Variants in WDR75 observed in about 807,000 individuals in gnomAD.
The protein encoded by WDR75 is WD repeat domain 75, also known as WD repeat-containing protein 75.
WDR75 carries 52 observed loss-of-function variants against 106.1 expected under a neutral mutation model. That is an observed-to-expected ratio of 0.49 (90% CI 0.39 to 0.62). The LOEUF is 0.62. Ranked by LOEUF, WDR75 falls within the 20% of genes least tolerant of loss-of-function variation. The pLI, the probability that WDR75 is intolerant of heterozygous loss-of-function variation, is 0.00. For synonymous variants in WDR75, 333 were observed against 335.5 expected (o/e 0.99, Z 0.08); for missense variants, 905 against 970.3 (o/e 0.93, Z 0.89).
At chr2:189,466,033 CAGGTGGGGCGT>C (rs1686992071) in intron 12 of WDR75, among the ~76,000 whole-genome samples, 1 of 152,132 alleles carries the variant, frequency 6.6e-6, no homozygotes, top group Admixed American at 6.5e-5. Context: ...TTCCTTGCCC[CAGGTGGGGCGT>C]TTCACGGCCT....
chr2:189,450,613 T>C, intron 2 of WDR75: 1 of 1,185,140 alleles, frequency 8.4e-7, no homozygotes, highest in Non-Finnish European at 1.0e-6. Context: ...CACTGCACCT[T>C]GGTGCTTTTC....
At chr2:189,446,048 C>T (rs1357949628) in intron 1 of WDR75, among the ~76,000 whole-genome samples, 1 of 152,164 alleles carries the variant, frequency 6.6e-6, no homozygotes, top group Admixed American at 6.5e-5. Context: ...CTACCCACCA[C>T]TGTCTCAAGG....
At chr2:189,449,600 A>G (rs1686573821) in intron 2 of WDR75, 2 of 1,039,750 alleles carry the variant, frequency 1.9e-6, no homozygotes, top group Non-Finnish European at 2.3e-6. Context: ...GAGTAAAATT[A>G]GAGAAGGGCA....
intron 4 of WDR75, 92 bp from the exon 5 acceptor site, chr2:189,455,228 A>C (rs112007236): frequency 0.034 from 48,633 of 1,437,884 alleles, 1,197 homozygotes; most frequent in African/African-American, 0.12. Flanking sequence ...GCGACAGAGC[A>C]AGACTTTGCC....
chr2:189,448,201 G>A (rs1338131470), intron 1 of WDR75, among the ~76,000 whole-genome samples, 178 bp from the exon 2 acceptor site: 1 of 152,152 alleles, frequency 6.6e-6, no homozygotes, highest in African/African-American at 2.4e-5. Flanking sequence ...GATATGTAAA[G>A]CACCTAGGTG....
chr2:189,469,482 C>G, intron 16 of WDR75, 43 bp downstream of exon 16: 2 of 1,482,302 alleles, frequency 1.3e-6, no homozygotes, highest in Non-Finnish European at 1.9e-6. Flanking sequence ...CATCTATGAC[C>G]TAAGTTTTCT....
At position 189,465,267 on chromosome 2, in the gene WDR75, G is replaced by T; in HGVS notation, c.1289+13G>T. The T allele has an allele frequency of 6.4e-7, 1 of 1,566,068 alleles. No individual in the cohort carries two copies. The highest frequency in any genetic ancestry group is 8.7e-7 in the Non-Finnish European group (1 of 1,154,880). ...AGAAAACACAAGGGTAATACTATCT[G>T]TGTAGCCACTTAATTTCAAAGTATA... On this transcript the variant is annotated intron_variant, in intron 12 of 20. Coordinates refer to ENST00000314761, the MANE Select transcript of WDR75 (RefSeq NM_032168.3).
chr2:189,445,363 G>C (rs556405045), intron 1 of WDR75, among the ~76,000 whole-genome samples: 35 of 152,326 alleles, frequency 2.3e-4, no homozygotes, highest in Non-Finnish European at 3.7e-4. Context: ...TACACAGACA[G>C]TCTTAATGCC....
rs1230727487 is a variant in WDR75, at chr2:189,475,272, A to G, written c.2348A>G (p.Asp783Gly). The G allele has an allele frequency of 6.2e-7, 1 of 1,613,248 alleles. No homozygotes were observed. The highest frequency in any genetic ancestry group is 8.5e-7 in the Non-Finnish European group (1 of 1,179,596). The change falls in exon 21 of 21, where the codon GAT becomes GGT. Residue 783 changes from aspartate to glycine, a missense_variant. Coordinates refer to ENST00000314761, the MANE Select transcript of WDR75 (RefSeq NM_032168.3). ...GAAGAAAAAGAAAGTGAAGATTCAG[A>G]TGAAGAAAATGATTTTACCGAAAAA... ...MEEEKESEDS[D>G]EENDFTEKVQ...
chr2:189,450,693 G>A, intron 2 of WDR75: 1 of 1,358,948 alleles, frequency 7.4e-7, no homozygotes, highest in Non-Finnish European at 9.4e-7. Flanking sequence ...CTCTCTTTTA[G>A]TTAAAACTTG....
chr2:189,451,734 C>A (rs1686625821), intron 3 of WDR75, 71 bp from the exon 4 acceptor site: 2 of 1,385,094 alleles, frequency 1.4e-6, no homozygotes, highest in South Asian at 2.4e-5. Flanking sequence ...ATAAAAACCC[C>A]TGCCTTGATG....
Position 189,466,551 on chromosome 2 carries a change from A to G in WDR75, c.1416A>G (p.Val472=), listed in dbSNP as rs1687004030. 2 of 1,613,106 alleles carry G rather than the reference A, an allele frequency of 1.2e-6. No individual in the cohort carries two copies. Among genetic ancestry groups the G allele is most frequent in the Non-Finnish European group, 1.7e-6 (2 of 1,179,300 alleles). ...CTAGCAAAGATGGTTACTTCAAAGT[A>G]TGGATATTAACAGATGACTCTGACA... ...VTASKDGYFK[V]WILTDDSDIY... The change falls in exon 13 of 21, where the codon GTA becomes GTG. Residue 472 remains valine (V), a synonymous_variant. Transcript: ENST00000314761.
intron 17 of WDR75, 74 bp from the exon 18 acceptor site, chr2:189,470,745 T>C (rs1246970625): frequency 2.6e-6 from 3 of 1,168,108 alleles, no homozygotes; most frequent in African/African-American, 3.2e-5. Flanking sequence ...TCTCATTTTT[T>C]AACACCCTGT....
chr2:189,441,551 G>C lies in WDR75; in HGVS notation c.59G>C (p.Arg20Thr). ...TGTGGCGGCAGCGAGTTGAACTTTA[G>C]GAGAGCTGTGTTCTCTGCAGATTCT... The part of the protein sequence containing the change: ...VRCGGSELNF[R>T]RAVFSADSKY... Residue 20 changes from arginine to threonine, a missense_variant, in exon 1 of 21, where the codon AGG becomes ACG. Physicochemically the swap from Arg to Thr is moderately conservative, Grantham distance 71 (BLOSUM62 -1). Coordinates refer to ENST00000314761, the MANE Select transcript of WDR75 (RefSeq NM_032168.3). 1 of 1,562,134 alleles carries C rather than the reference G, an allele frequency of 6.4e-7. No individual in the cohort carries two copies. Among genetic ancestry groups the C allele is most frequent in the Non-Finnish European group, 8.7e-7 (1 of 1,152,006 alleles).
At position 189,451,837 on chromosome 2, in the gene WDR75, C is replaced by T; in HGVS notation, c.315C>T (p.Leu105=). 1 of 1,613,780 alleles carries T rather than the reference C, an allele frequency of 6.2e-7. No homozygotes were observed. The highest frequency in any genetic ancestry group is 1.7e-5 in the Admixed American group (1 of 60,020). ...TAGTTGGATGTAAACTTCATGCCCTCTTTACTCTTGCCCAAGCTGAGGATT... is the reference window on the plus strand; with the variant it reads ...TAGTTGGATGTAAACTTCATGCCCTTTTTACTCTTGCCCAAGCTGAGGATT... ...TFIVGCKLHA[L]FTLAQAEDSV... is the part of the protein sequence containing the mutation. Residue 105 remains leucine, a synonymous_variant, in exon 4 of 21, where the codon CTC becomes CTT. Transcript: ENST00000314761.
intron 17 of WDR75, 67 bp from the exon 18 acceptor site, chr2:189,470,752 C>T (rs1483293873): frequency 1.6e-6 from 2 of 1,278,314 alleles, no homozygotes; most frequent in African/African-American, 3.1e-5. Context: ...TTTTAACACC[C>T]TGTAACACCT....
Position 189,455,431 on chromosome 2 carries a change from C to T in WDR75, c.485C>T (p.Ala162Val), listed in dbSNP as rs1159860100. Reference protein sequence around the residue: ...DYINQSPKCIAFGNEGVYVAA... With the variant: ...DYINQSPKCIVFGNEGVYVAA... ...ATAAACCAGTCACCCAAGTGCATTG[C>T]CTTTGGAAACGAGGTAAATTTTGTT... is the stretch of plus-strand genomic sequence containing the variant. Residue 162 changes from alanine (A) to valine (V), a missense_variant, in exon 5 of 21, where the codon GCC becomes GTC. Ala to Val is a moderately conservative substitution (Grantham distance 64). Transcript: ENST00000314761. 2 of 1,602,804 alleles carry T rather than the reference C, an allele frequency of 1.2e-6. No homozygotes were observed. Among genetic ancestry groups the T allele is most frequent in the Non-Finnish European group, 1.7e-6 (2 of 1,176,264 alleles).
chr2:189,469,984 G>T, intron 16 of WDR75, 92 bp from the exon 17 acceptor site: 1 of 1,126,578 alleles, frequency 8.9e-7, no homozygotes, highest in Non-Finnish European at 1.3e-6. Flanking sequence ...ACTCAATGGG[G>T]TGAGTCCCAG....
rs1164234184 is a variant in WDR75, at chr2:189,443,454, T to C, written c.86+1876T>C. Among the ~76,000 whole-genome samples the C allele has an allele frequency of 3.3e-5, 5 of 152,184 alleles. No homozygotes were observed. The East Asian group carries it at 9.6e-4, about 29-fold the overall frequency. On this transcript the variant is annotated intron_variant, in intron 1 of 20. Coordinates refer to ENST00000314761, the MANE Select transcript of WDR75 (RefSeq NM_032168.3). The stretch of plus-strand genomic sequence containing the variant: ...CGTGCAGCCAGTTGTTGGTTGTTGT[T>C]TGGACCAAAGAGAATGGTTTTTTAA...
Sources: allele counts gnomAD v4.1 joint callset (sites outside exome capture counted in the v4.1 genomes callset), GRCh38; gene constraint gnomAD v4.1.1; transcripts MANE v1.5; gene names NCBI Gene and HGNC (gene_info 2026-07-23, HGNC 2026-07-21).